ADGRV1: variants seen among roughly 807,000 people sequenced by gnomAD.
The protein encoded by ADGRV1 is adhesion G protein-coupled receptor V1.
Under a neutral mutation model 596.2 loss-of-function variants are expected in ADGRV1, and 359 were observed. The ratio of observed to expected loss-of-function variants is 0.60; its 90% CI spans 0.55 to 0.66. The LOEUF is 0.66. Among genes scored for constraint, ADGRV1 ranks in the 30% least tolerant of loss-of-function variants. The probability of loss-of-function intolerance (pLI) is 0.00; values close to 1 mark genes in which losing one functional copy is unlikely to be tolerated. For missense variants in ADGRV1, 7,274 were observed against 7,575.6 expected (o/e 0.96, Z 1.48); for synonymous variants, 2,681 against 2,679.2 (o/e 1.00, Z -0.02).
chr5:90,708,255 A>G (rs1212214825), intron 38 of ADGRV1, among the ~76,000 whole-genome samples: 1 of 152,036 alleles, frequency 6.6e-6, no homozygotes, highest in Non-Finnish European at 1.5e-5. Context: ...AATAGCTATT[A>G]ATTTTAAAGC....
At chr5:91,040,235 C>T (rs1281422006) in intron 85 of ADGRV1, among the ~76,000 whole-genome samples, 6 of 151,870 alleles carry the variant, frequency 4.0e-5, no homozygotes, top group South Asian at 2.1e-4. Context: ...AGCAGGTGCA[C>T]GAAATATTTA....
chr5:90,929,735 T>G (rs1022385738), intron 83 of ADGRV1: 17 of 152,374 alleles, frequency 1.1e-4, no homozygotes, highest in African/African-American at 3.6e-4. Context: ...ATGTTACTAT[T>G]AATGATTAGG....
chr5:90,712,049 T>C (rs1234734170), intron 41 of ADGRV1, among the ~76,000 whole-genome samples: 1 of 152,134 alleles, frequency 6.6e-6, no homozygotes, highest in Admixed American at 6.6e-5. Context: ...CGGCCTCACA[T>C]AGTGCTGGGA....
intron 21 of ADGRV1, among the ~76,000 whole-genome samples, chr5:90,664,995 T>G (rs1273832944): frequency 6.6e-6 from 1 of 151,986 alleles, no homozygotes; most frequent in African/African-American, 2.4e-5. Context: ...CTTTTTGATG[T>G]GCTGCTGGAT....
intron 1 of ADGRV1, among the ~76,000 whole-genome samples, chr5:90,597,769 A>G (rs1321966574): frequency 1.3e-5 from 2 of 152,152 alleles, no homozygotes; most frequent in African/African-American, 4.8e-5. Context: ...GAAGAGGAAG[A>G]TAAATTAAGA....
At chr5:90,681,541 C>CT (rs555227162) in intron 27 of ADGRV1, 87 bp downstream of exon 27, 10 of 1,325,496 alleles carry the variant, frequency 7.5e-6, no homozygotes, top group Admixed American at 2.7e-5. Flanking sequence ...TTATGCTTTC[C>CT]TTTTTTTGTG....
chr5:90,875,560 C>G (rs1415007950), intron 83 of ADGRV1, among the ~76,000 whole-genome samples: 1 of 152,114 alleles, frequency 6.6e-6, no homozygotes, highest in African/African-American at 2.4e-5. Flanking sequence ...TACAAGGAAA[C>G]CAGGTGGTGG....
At chr5:90,698,039 TA>T (rs979249730) in intron 34 of ADGRV1, among the ~76,000 whole-genome samples, 15 of 152,306 alleles carry the variant, frequency 9.8e-5, no homozygotes, top group African/African-American at 3.4e-4. Flanking sequence ...CCTTTTCCCT[TA>T]CTGTACTTCC....
At chr5:90,795,675 A>G (rs1261430068) in intron 70 of ADGRV1, among the ~76,000 whole-genome samples, 1 of 152,138 alleles carries the variant, frequency 6.6e-6, no homozygotes, top group East Asian at 1.9e-4. Context: ...CCTCAAGTGG[A>G]TCCCTGACCC....
chr5:91,025,767 G>A (rs1258635991), intron 85 of ADGRV1, among the ~76,000 whole-genome samples: 1 of 152,144 alleles, frequency 6.6e-6, no homozygotes, highest in Non-Finnish European at 1.5e-5. Flanking sequence ...TACCTTCACT[G>A]ATAAACAGGG....
chr5:90,744,303 A>G (rs1754358694), intron 50 of ADGRV1, among the ~76,000 whole-genome samples: 2 of 152,164 alleles, frequency 1.3e-5, no homozygotes, highest in Admixed American at 6.5e-5. Context: ...TATCAAAAGT[A>G]TGGTTTCCTG....
At chr5:90,652,827 C>A (rs1768836654) in intron 19 of ADGRV1, among the ~76,000 whole-genome samples, 1 of 152,294 alleles carries the variant, frequency 6.6e-6, no homozygotes, top group East Asian at 1.9e-4. Context: ...TTTCTCCACA[C>A]CAACTATAGT....
intron 1 of ADGRV1, among the ~76,000 whole-genome samples, chr5:90,586,628 G>A (rs1257586949): frequency 6.6e-6 from 1 of 152,132 alleles, no homozygotes; most frequent in Non-Finnish European, 1.5e-5. Flanking sequence ...TTAGATTTAG[G>A]TTCTGCTTTT....
chr5:90,884,727 C>A lies in ADGRV1; in HGVS notation c.17856+20870C>A, dbSNP rs140044029. On this transcript the variant is annotated intron_variant, in intron 83 of 89. Coordinates refer to ENST00000405460, the MANE Select transcript of ADGRV1 (RefSeq NM_032119.4). ...CCCACATTGTTGTTATGTTTTGTTT[C>A]TCCAGCCCAAAGCATAGCACAATAA... Among the ~76,000 whole-genome samples the A allele has an allele frequency of 2.4e-4, 37 of 152,172 alleles. No homozygotes were observed. In the East Asian group the frequency reaches 6.6e-3, roughly 27 times the overall value.
chr5:91,114,802 T>C (rs865966503), intron 87 of ADGRV1, among the ~76,000 whole-genome samples: 1 of 152,172 alleles, frequency 6.6e-6, no homozygotes, highest in Admixed American at 6.5e-5. Context: ...TTAGTCCCCA[T>C]AGCCTTTCCT....
chr5:91,013,692 G>A (rs1465448931), intron 85 of ADGRV1, among the ~76,000 whole-genome samples: 1 of 151,974 alleles, frequency 6.6e-6, no homozygotes, highest in Non-Finnish European at 1.5e-5. Context: ...CTTTTGCTGT[G>A]CAGAAGCTCT....
rs774327839 is a variant in ADGRV1, at chr5:90,777,914, A to T, written c.12537A>T (p.Arg4179=). ...YNGTAIISLV[R]GPGILGEVTV... ...TTGTTTATTGTTGTAGCCTTGTTCGAGGCCCAGGGATTTTGGGGGAGGTCA... is the reference window on the plus strand; with the variant it reads ...TTGTTTATTGTTGTAGCCTTGTTCGTGGCCCAGGGATTTTGGGGGAGGTCA... The change falls in exon 62 of 90, where the codon CGA becomes CGT. Residue 4179 remains arginine, a synonymous_variant. Transcript: ENST00000405460. The T allele has an allele frequency of 2.5e-6, 4 of 1,610,410 alleles. No homozygotes were observed. Among genetic ancestry groups the T allele is most frequent in the Non-Finnish European group, 3.4e-6 (4 of 1,177,474 alleles).
At chr5:90,562,295 C>T (rs73176099) in intron 1 of ADGRV1, among the ~76,000 whole-genome samples, 4,854 of 152,224 alleles carry the variant, frequency 0.032, 264 homozygotes, top group African/African-American at 0.11. Context: ...TTCCTCACAT[C>T]GTATGCCTAA....
chr5:90,972,436 G>A (rs1779131788), intron 84 of ADGRV1, among the ~76,000 whole-genome samples: 1 of 152,098 alleles, frequency 6.6e-6, no homozygotes, highest in Admixed American at 6.5e-5. Flanking sequence ...TTCCAAAATT[G>A]ACCACATAGT....
Sources: gnomAD v4.1 joint callset for allele counts (sites outside exome capture counted in the v4.1 genomes callset) on GRCh38, gnomAD v4.1.1 for gene constraint, MANE v1.5 for transcripts, NCBI Gene and HGNC (gene_info 2026-07-23, HGNC 2026-07-21) for gene names.